CLCNKB: variants seen among roughly 807,000 people sequenced by gnomAD.
CLCNKB encodes the protein chloride voltage-gated channel Kb.
Under a neutral mutation model 83.8 loss-of-function variants are expected in CLCNKB, and 74 were observed. The ratio of observed to expected loss-of-function variants is 0.88; its 90% CI spans 0.73 to 1.07. The LOEUF is 1.07. Among genes scored for constraint, CLCNKB ranks in the 50% least tolerant of loss-of-function variants. The pLI, the probability that CLCNKB is intolerant of heterozygous loss-of-function variation, is 0.00. For missense variants in CLCNKB, 798 were observed against 893.6 expected (o/e 0.89, Z 1.36); for synonymous variants, 358 against 356.6 (o/e 1.00, Z -0.04).
intron 2 of CLCNKB, among the ~76,000 whole-genome samples, 179 bp from the exon 3 acceptor site, chr1:16,045,379 C>T (rs1449192607): frequency 1.3e-5 from 2 of 152,194 alleles, no homozygotes; most frequent in Non-Finnish European, 2.9e-5. Context: ...TGTCACCTCC[C>T]ACAAATCCTG....
At position 16,051,500 on chromosome 1, in the gene CLCNKB, C is replaced by T. The variant is rs1454595753; in HGVS notation, c.1250C>T (p.Thr417Ile). 2 of 1,614,154 alleles carry T rather than the reference C, an allele frequency of 1.2e-6. No homozygotes were observed. ...CAGTTCTGGATGCTGATTCTGGCCA[C>T]CACCATCCCCATGCCTGCCGGGTAC... Reference protein sequence around the residue: ...VMKFWMLILATTIPMPAGYFM... With the variant: ...VMKFWMLILAITIPMPAGYFM... Residue 417 changes from threonine (T) to isoleucine (I), a missense_variant, in exon 13 of 20, where the codon ACC becomes ATC. Transcript: ENST00000375679.
At chr1:16,048,086 C>G (rs749260870) in intron 5 of CLCNKB, 42 bp downstream of exon 5, 14 of 1,595,374 alleles carry the variant, frequency 8.8e-6, no homozygotes, top group African/African-American at 4.0e-5. Context: ...CCTACCCACC[C>G]CAGCCACCCC....
chr1:16,053,500 T>C (rs1405727301), intron 15 of CLCNKB, 139 bp from the exon 16 acceptor site: 5 of 1,264,672 alleles, frequency 4.0e-6, no homozygotes, highest in Middle Eastern at 1.9e-4. Context: ...GAGTCCCTCA[T>C]TCCAGGAACC....
At chr1:16,045,765 G>A (rs1335211456) in intron 3 of CLCNKB, 79 bp downstream of exon 3, 18 of 1,344,594 alleles carry the variant, frequency 1.3e-5, no homozygotes, top group Non-Finnish European at 1.8e-5. Context: ...GATGTCGCCA[G>A]GTGCAGCGGA....
chr1:16,050,373 G>C (rs2023248899), intron 10 of CLCNKB, 143 bp from the exon 11 acceptor site: 2 of 887,940 alleles, frequency 2.3e-6, no homozygotes, highest in Non-Finnish European at 3.6e-6. Flanking sequence ...TGACCCCACA[G>C]GTTCTGTCCC....
intron 11 of CLCNKB, 91 bp from the exon 12 acceptor site, chr1:16,050,784 G>C: frequency 6.3e-7 from 1 of 1,590,112 alleles, no homozygotes; most frequent in Non-Finnish European, 8.6e-7. Context: ...AGTGGCAGAG[G>C]AGGATTCCAG....
At chr1:16,049,077 G>T in intron 7 of CLCNKB, 43 bp from the exon 8 acceptor site, 1 of 1,613,496 alleles carries the variant, frequency 6.2e-7, no homozygotes. Context: ...AGTCACAGGT[G>T]GGTGGGGGTG....
chr1:16,044,099 T>A (rs1368424248), intron 1 of CLCNKB, among the ~76,000 whole-genome samples: 3 of 151,672 alleles, frequency 2.0e-5, no homozygotes, highest in Middle Eastern at 3.2e-3. Context: ...GCAGTGAGAG[T>A]GTCACAGCCC....
At chr1:16,045,362 T>C (rs1300612966) in intron 2 of CLCNKB, among the ~76,000 whole-genome samples, 196 bp from the exon 3 acceptor site, 1 of 152,142 alleles carries the variant, frequency 6.6e-6, no homozygotes, top group Non-Finnish European at 1.5e-5. Context: ...ACCCACTGTG[T>C]CACCACTGTC....
chr1:16,050,392 G>T, intron 10 of CLCNKB, 124 bp from the exon 11 acceptor site: 3 of 1,059,354 alleles, frequency 2.8e-6, no homozygotes, highest in South Asian at 2.6e-5. Flanking sequence ...CCCTGGAGCT[G>T]GCCCAGTCCA....
intron 16 of CLCNKB, among the ~76,000 whole-genome samples, 164 bp downstream of exon 16, chr1:16,053,936 T>C (rs978644209): frequency 6.6e-6 from 1 of 152,158 alleles, no homozygotes; most frequent in African/African-American, 2.4e-5. Flanking sequence ...TCCTCATCAG[T>C]AAAATGGAAA....
intron 2 of CLCNKB, among the ~76,000 whole-genome samples, chr1:16,044,917 G>A (rs2124082160): frequency 6.6e-6 from 1 of 152,340 alleles, no homozygotes; most frequent in African/African-American, 2.4e-5. Context: ...GGGACAGCTG[G>A]GGCCACAGCA....
intron 4 of CLCNKB, 55 bp downstream of exon 4, chr1:16,046,718 A>AG (rs1422809792): frequency 2.2e-5 from 35 of 1,607,282 alleles, no homozygotes; most frequent in Non-Finnish European, 2.6e-5. Context: ...CTCAGATCCC[A>AG]GGGGGGAGTC....
In CLCNKB at chr1:16,048,034, T is replaced by G; in HGVS notation, c.488T>G (p.Leu163Arg). Residue 163 changes from leucine to arginine, a missense_variant, in exon 5 of 20, where the codon CTC becomes CGC. By Grantham distance (102) the Leu-to-Arg change is moderately radical. Coordinates refer to ENST00000375679, the MANE Select transcript of CLCNKB (RefSeq NM_000085.5). ...CTGGCCTGTGGCAGCACCCTCTTCC[T>G]CGGGAAAGTGGTATGGGCAGGGGTG... ...CTLACGSTLF[L>R]GKVGPFVHLS... 6.2e-7 allele frequency: 1 copy of G among 1,613,698 alleles called. No homozygotes were observed.
At chr1:16,054,624 C>G (rs560885073) in intron 16 of CLCNKB, among the ~76,000 whole-genome samples, 1 of 152,224 alleles carries the variant, frequency 6.6e-6, no homozygotes, top group Non-Finnish European at 1.5e-5. Context: ...ACTGGAAGAC[C>G]GTTAGCATTA....
chr1:16,044,621 C>G, intron 2 of CLCNKB, 29 bp downstream of exon 2: 4 of 1,542,284 alleles, frequency 2.6e-6, no homozygotes, highest in Non-Finnish European at 3.5e-6. Context: ...TCCCTTCCCC[C>G]TGGAGGACCA....
Position 16,051,013 on chromosome 1 carries a change from A to G in CLCNKB, c.1192A>G (p.Ile398Val), listed in dbSNP as rs369169829. Residue 398 changes from isoleucine (I) to valine (V), a missense_variant, in exon 12 of 20, where the codon ATC (isoleucine) becomes GTC (valine). By Grantham distance (29) the Ile-to-Val change is conservative (BLOSUM62 3). Coordinates refer to ENST00000375679, the MANE Select transcript of CLCNKB (RefSeq NM_000085.5). Reference sequence around the variant, plus strand: ...GGAATGGTACCACCCGCGGTTCACCATCTTTGGGACCCTTGCCTTCTTCCT... The same window carrying G: ...GGAATGGTACCACCCGCGGTTCACCGTCTTTGGGACCCTTGCCTTCTTCCT... ...WWEWYHPRFT[I>V]FGTLAFFLVM... The G allele has an allele frequency of 4.0e-5, 64 of 1,613,892 alleles. No homozygotes were observed. In the African/African-American group the frequency reaches 7.2e-4, roughly 18 times the overall value.
chr1:16,047,928 A>G lies in CLCNKB; in HGVS notation c.382A>G (p.Thr128Ala). The G allele has an allele frequency of 6.2e-7, 1 of 1,613,930 alleles. No individual in the cohort carries two copies. The highest frequency in any genetic ancestry group is 8.5e-7 in the Non-Finnish European group (1 of 1,180,022). ...SGGSGIPEVK[T>A]MLAGVVLEDY... Reference sequence around the variant, plus strand: ...AGGTTCTGGAATCCCGGAGGTGAAGACCATGTTGGCGGGTGTGGTCTTGGA... The same window carrying G: ...AGGTTCTGGAATCCCGGAGGTGAAGGCCATGTTGGCGGGTGTGGTCTTGGA... Residue 128 changes from threonine to alanine, a missense_variant, in exon 5 of 20, where the codon ACC (threonine) becomes GCC (alanine). Coordinates refer to ENST00000375679, the MANE Select transcript of CLCNKB (RefSeq NM_000085.5).
chr1:16,051,327 G>A, intron 12 of CLCNKB, 151 bp from the exon 13 acceptor site: 3 of 1,097,684 alleles, frequency 2.7e-6, no homozygotes, highest in Non-Finnish European at 4.2e-6. Context: ...TCAGGGTGAG[G>A]ACCCTCCCCT....
Sources: gnomAD v4.1 joint callset for allele counts (sites outside exome capture counted in the v4.1 genomes callset) on GRCh38, gnomAD v4.1.1 for gene constraint, MANE v1.5 for transcripts, NCBI Gene and HGNC (gene_info 2026-07-23, HGNC 2026-07-21) for gene names.